The following RIC1 variants were observed in gnomAD, a reference collection of about 807,000 sequenced individuals.
RIC1 encodes guanine nucleotide exchange factor subunit RIC1.
RIC1 carries 88 observed loss-of-function variants against 169.0 expected under a neutral mutation model. That is an observed-to-expected ratio of 0.52 (90% CI 0.44 to 0.62). The LOEUF (loss-of-function observed/expected upper bound fraction) is 0.62. Among genes scored for constraint, RIC1 ranks in the 20% least tolerant of loss-of-function variants. The pLI is 0.00. For synonymous variants in RIC1, 790 were observed against 601.5 expected (o/e 1.31, Z -4.59); for missense variants, 1,877 against 1,725.5 (o/e 1.09, Z -1.56).
At chr9:5,637,053 T>G (rs1818004733) in intron 1 of RIC1, among the ~76,000 whole-genome samples, 1 of 152,060 alleles carries the variant, frequency 6.6e-6, no homozygotes, top group Non-Finnish European at 1.5e-5. Flanking sequence ...TATTTATGAT[T>G]TTTTTGTTTG....
intron 4 of RIC1, among the ~76,000 whole-genome samples, chr9:5,715,584 T>G (rs945256553): frequency 7.9e-5 from 12 of 152,178 alleles, no homozygotes; most frequent in Admixed American, 7.2e-4. Context: ...TATAACCAAT[T>G]ATTTTCCCTC....
At chr9:5,743,076 C>G (rs1051366505) in intron 9 of RIC1, 63 bp downstream of exon 9, 1 of 1,482,332 alleles carries the variant, frequency 6.7e-7, no homozygotes, top group Non-Finnish European at 9.2e-7. Flanking sequence ...TGCATGCATA[C>G]AAAAACCTTG....
chr9:5,724,558 T>C (rs1823830751), intron 6 of RIC1, among the ~76,000 whole-genome samples: 1 of 152,224 alleles, frequency 6.6e-6, no homozygotes, highest in Admixed American at 6.5e-5. Flanking sequence ...TATTTCTTTC[T>C]TCTGCCTGAT....
In RIC1 at chr9:5,763,790, A is replaced by G. The variant is rs1171010612; in HGVS notation, c.2763A>G (p.Gly921=). Residue 921 remains glycine, a synonymous_variant, in exon 19 of 26, where the codon GGA becomes GGG. Transcript: ENST00000414202. This position sits in a 1 kb window ranked among gnomAD's most constrained non-coding sequence, Gnocchi z 5.2. ...GGAATTACCTTTTTGCAGCTGTTGGAAACCCTAAGGACTTGTTTGAGGAGT... is the reference window on the plus strand; with the variant it reads ...GGAATTACCTTTTTGCAGCTGTTGGGAACCCTAAGGACTTGTTTGAGGAGT... ...ALWNYLFAAV[G]NPKDLFEECL... 1 of 1,614,110 alleles carries G rather than the reference A, an allele frequency of 6.2e-7. No homozygotes were observed. The highest frequency in any genetic ancestry group is 1.3e-5 in the African/African-American group (1 of 74,948).
intron 3 of RIC1, among the ~76,000 whole-genome samples, chr9:5,710,609 G>T (rs137951995): frequency 1.3e-5 from 2 of 152,150 alleles, no homozygotes; most frequent in East Asian, 3.8e-4. Context: ...ACTAAACATT[G>T]TTAGCCATTT....
At chr9:5,693,728 A>G (rs1821721793) in intron 3 of RIC1, among the ~76,000 whole-genome samples, 1 of 152,186 alleles carries the variant, frequency 6.6e-6, no homozygotes. Flanking sequence ...GAAGTTTAGT[A>G]GATTTCTAAA....
At chr9:5,731,145 C>G (rs555442173) in intron 6 of RIC1, among the ~76,000 whole-genome samples, 1 of 151,936 alleles carries the variant, frequency 6.6e-6, no homozygotes, top group African/African-American at 2.4e-5. Flanking sequence ...ACTTTTTTAA[C>G]TTGTCTGTCT....
At chr9:5,699,070 C>T (rs1162161478) in intron 3 of RIC1, among the ~76,000 whole-genome samples, 1 of 152,184 alleles carries the variant, frequency 6.6e-6, no homozygotes, top group Admixed American at 6.5e-5. Flanking sequence ...TTATACAATA[C>T]TTGAAAATTC....
intron 7 of RIC1, among the ~76,000 whole-genome samples, chr9:5,737,735 C>T (rs879715152): frequency 9.9e-5 from 15 of 151,564 alleles, no homozygotes; most frequent in African/African-American, 2.7e-4. Context: ...TAATAGCATA[C>T]TGTTGACTGG....
intron 13 of RIC1, 125 bp downstream of exon 13, chr9:5,753,363 T>C (rs917281249): frequency 1.9e-5 from 17 of 909,220 alleles, no homozygotes; most frequent in Non-Finnish European, 2.9e-5. Flanking sequence ...GTAACATTGC[T>C]AGTATATTAA....
intron 2 of RIC1, among the ~76,000 whole-genome samples, chr9:5,689,463 T>C (rs1176074748): frequency 1.3e-5 from 2 of 152,210 alleles, no homozygotes; most frequent in Non-Finnish European, 2.9e-5. Flanking sequence ...GGGGCTATAT[T>C]TTGTAGTAAA....
chr9:5,652,025 G>A (rs570564639), intron 1 of RIC1, among the ~76,000 whole-genome samples: 4 of 152,162 alleles, frequency 2.6e-5, no homozygotes, highest in Non-Finnish European at 4.4e-5. Flanking sequence ...TCAGTTGGCT[G>A]TAAAAGCATG....
rs566022384 is a variant in RIC1, at chr9:5,775,556, C to G, written c.*1310C>G. ...CGATGTATTTGATGTGGACCAAATTCGTACCACTATCTAAAATAGCCTCTT... is the reference window on the plus strand; with the variant it reads ...CGATGTATTTGATGTGGACCAAATTGGTACCACTATCTAAAATAGCCTCTT... On this transcript the variant is annotated 3_prime_UTR_variant, in exon 26 of 26. Transcript: ENST00000414202. 4.6e-5 allele frequency: 7 copies of G among 152,200 alleles called. No individual in the cohort carries two copies. Among genetic ancestry groups the G allele is most frequent in the African/African-American group, 1.7e-4 (7 of 41,534 alleles). 9.4% of individuals were successfully genotyped at this position (152,200 alleles called of 1,614,324 possible).
At position 5,646,533 on chromosome 9, in the gene RIC1, C is replaced by G. The variant is rs562320569; in HGVS notation, c.145-10050C>G. 3.3e-5 allele frequency among the ~76,000 whole-genome samples: 5 copies of G among 152,212 alleles called. No individual in the cohort carries two copies. In the East Asian group the frequency reaches 9.6e-4, roughly 29 times the overall value. ...TATAGAAATATTTACCATTATGGCA[C>G]AATTGCTTATGTATTCAGTATAGTA... On this transcript the variant is annotated intron_variant, in intron 1 of 25. Transcript: ENST00000414202.
chr9:5,769,402 G>A lies in RIC1; in HGVS notation c.3424+146G>A, dbSNP rs1827040725. ...AAGCCAACTTTTTGTACATGAGTTG[G>A]AATGCCCACTGTTTGACCAAAGATG... On this transcript the variant is annotated intron_variant, in intron 22 of 25. Coordinates refer to ENST00000414202, the MANE Select transcript of RIC1 (RefSeq NM_020829.4). 12 of 1,575,146 alleles carry A rather than the reference G, an allele frequency of 7.6e-6. No homozygotes were observed. In the East Asian group the frequency reaches 2.6e-4, roughly 34 times the overall value.
rs1460124347 is a variant in RIC1, at chr9:5,650,046, G to A, written c.145-6537G>A. Among the ~76,000 whole-genome samples the A allele has an allele frequency of 3.9e-5, 6 of 152,170 alleles. No individual in the cohort carries two copies. The East Asian group carries it at 7.7e-4, about 20-fold the overall frequency. On this transcript the variant is annotated intron_variant, in intron 1 of 25. Transcript: ENST00000414202. Reference sequence around the variant, plus strand: ...CTCCTGGGCAGTGGGATGCTAGGTAGGCCAGTCCTTGGGCACCAGTGGTGG... The same window carrying A: ...CTCCTGGGCAGTGGGATGCTAGGTAAGCCAGTCCTTGGGCACCAGTGGTGG...
Position 5,721,237 on chromosome 9 carries a change from G to T in RIC1, c.720+487G>T, listed in dbSNP as rs73392684. Among the ~76,000 whole-genome samples the T allele has an allele frequency of 3.9e-5, 6 of 152,172 alleles. No individual in the cohort carries two copies. The South Asian group carries it at 1.0e-3, about 26-fold the overall frequency. ...TCAATATGTAAGCCCCATTAGTACCGAAACCATGTGGTACTGACGCAGAAG... is the reference window on the plus strand; with the variant it reads ...TCAATATGTAAGCCCCATTAGTACCTAAACCATGTGGTACTGACGCAGAAG... On this transcript the variant is annotated intron_variant, in intron 6 of 25. Transcript: ENST00000414202.
rs1486618142 is a variant in RIC1, at chr9:5,757,377, C to A, written c.1918C>A (p.Pro640Thr). 6.2e-7 allele frequency: 1 copy of A among 1,614,030 alleles called. No homozygotes were observed. The highest frequency in any genetic ancestry group is 8.5e-7 in the Non-Finnish European group (1 of 1,179,932). Residue 640 changes from proline to threonine, a missense_variant, in exon 17 of 26, where the codon CCT becomes ACT. Pro to Thr is a conservative substitution (Grantham distance 38). Transcript: ENST00000414202. ...EVSMSRYIPH[P>T]FLVVSVTLTS... ...TTCCATGTCACGCTACATTCCTCAC[C>A]CTTTCCTGGTGGTATCTGTCACTCT... is the stretch of plus-strand genomic sequence containing the variant.
intron 17 of RIC1, among the ~76,000 whole-genome samples, chr9:5,760,348 T>C (rs1310360388): frequency 2.0e-5 from 3 of 152,208 alleles, no homozygotes; most frequent in Non-Finnish European, 1.5e-5. Context: ...ATCTTTAACG[T>C]TATCAGAAAG....
Sources: allele counts gnomAD v4.1 joint callset (sites outside exome capture counted in the v4.1 genomes callset), GRCh38; gene constraint gnomAD v4.1.1; non-coding constraint Gnocchi (gnomAD v3.1); transcripts MANE v1.5; gene names NCBI Gene and HGNC (gene_info 2026-07-23, HGNC 2026-07-21).